SYNPR: variants seen among roughly 807,000 people sequenced by gnomAD.
SYNPR encodes synaptoporin.
In SYNPR, 23 loss-of-function variants were observed where a neutral mutation model predicts 32.9. The observed-to-expected ratio is 0.70, with a 90% CI of 0.50 to 0.99. The LOEUF is 0.99. SYNPR is among the 50% of genes least tolerant of loss of function. The probability of loss-of-function intolerance (pLI) is 0.00; values close to 1 mark genes in which losing one functional copy is unlikely to be tolerated. For missense variants in SYNPR, 318 were observed against 349.3 expected (o/e 0.91, Z 0.71); for synonymous variants, 146 against 135.9 (o/e 1.07, Z -0.52).
chr3:63,290,142 A>AAAAAATCC (rs767336423), intron 2 of SYNPR, among the ~76,000 whole-genome samples: 2 of 44,528 alleles, frequency 4.5e-5, no homozygotes, highest in Non-Finnish European at 9.4e-5. Flanking sequence ...AAAACAAAAA[A>AAAAAATCC]ACTCCTTTTC....
In SYNPR at chr3:63,416,531, T is replaced by TAAA. The variant is rs60383627; in HGVS notation, c.85-64282_85-64280dup. On this transcript the variant is annotated intron_variant, in intron 2 of 5. Transcript: ENST00000478300. ...TTGGTGACGGAGTGAGACTCTGTCT[T>TAAA]AAAAAAAAAAAAAAAAAAAAACCAA... Among the ~76,000 whole-genome samples, 421 of 105,190 alleles carry TAAA rather than the reference T, an allele frequency of 4.0e-3. 3 individuals are homozygous for TAAA. Among genetic ancestry groups the TAAA allele is most frequent in the South Asian group, 0.039 (119 of 3,060 alleles). The allele number at this position is 105,190 out of a possible 152,430, so 69.0% of individuals were successfully genotyped here. A position where few individuals can be genotyped will look rare whatever the true frequency, so the allele number is the denominator to read the frequency against.
chr3:63,494,406 T>TATATATACACAC (rs1553641140), intron 3 of SYNPR, among the ~76,000 whole-genome samples: 1 of 118,680 alleles, frequency 8.4e-6, no homozygotes, highest in African/African-American at 3.5e-5. Context: ...TATATATATA[T>TATATATACACAC]ATATATATAT....
At chr3:63,507,153 T>TA (rs1361855751) in intron 3 of SYNPR, among the ~76,000 whole-genome samples, 2,486 of 116,690 alleles carry the variant, frequency 0.021, 62 homozygotes, top group African/African-American at 0.073. Context: ...TCTCAAAAAA[T>TA]AAAAAAAAAA....
intron 1 of SYNPR, among the ~76,000 whole-genome samples, chr3:63,233,627 GT>G (rs2086181095): frequency 6.6e-6 from 1 of 152,134 alleles, no homozygotes; most frequent in African/African-American, 2.4e-5. Flanking sequence ...CTCAACCTAA[GT>G]TTGATTAGAA....
At chr3:63,276,490 G>C (rs573559698), upstream of SYNPR, among the ~76,000 whole-genome samples, 5 of 152,258 alleles carry the variant, frequency 3.3e-5, no homozygotes, top group African/African-American at 1.2e-4. Context: ...AGTTAAGATA[G>C]GTATTTTGGC....
At chr3:63,603,296 T>G (rs945900464) in intron 4 of SYNPR, among the ~76,000 whole-genome samples, 1 of 152,142 alleles carries the variant, frequency 6.6e-6, no homozygotes. Context: ...GCAAAGGGGA[T>G]AGTTTGACTT....
chr3:63,606,316 T>C (rs1001870777), intron 4 of SYNPR, among the ~76,000 whole-genome samples: 2 of 152,064 alleles, frequency 1.3e-5, no homozygotes, highest in African/African-American at 2.4e-5. Flanking sequence ...ACCATGTTTA[T>C]TCTGAAGATA....
intron 4 of SYNPR, among the ~76,000 whole-genome samples, chr3:63,570,755 C>A (rs1702872262): frequency 6.6e-6 from 1 of 152,160 alleles, no homozygotes; most frequent in Non-Finnish European, 1.5e-5. Flanking sequence ...CTTGCACTTT[C>A]ATTGGATGTG....
At chr3:63,378,841 G>T (rs1320114107) in intron 2 of SYNPR, among the ~76,000 whole-genome samples, 3 of 149,118 alleles carry the variant, frequency 2.0e-5, no homozygotes, top group South Asian at 4.2e-4. Flanking sequence ...GGTTTATTTT[G>T]CTCCCTTTAT....
At chr3:63,430,808 G>T (rs1699979965) in intron 2 of SYNPR, among the ~76,000 whole-genome samples, 1 of 151,772 alleles carries the variant, frequency 6.6e-6, no homozygotes, top group African/African-American at 2.4e-5. Flanking sequence ...CTTCTACCTT[G>T]CAGTGCTGTT....
At chr3:63,579,972 A>G (rs1419458636) in intron 4 of SYNPR, among the ~76,000 whole-genome samples, 1 of 152,138 alleles carries the variant, frequency 6.6e-6, no homozygotes, top group East Asian at 1.9e-4. Context: ...ATGAATTTTC[A>G]TTTGAAAGAT....
intron 2 of SYNPR, among the ~76,000 whole-genome samples, chr3:63,266,407 AAAAC>A (rs1042182728): frequency 7.9e-5 from 12 of 152,032 alleles, no homozygotes; most frequent in African/African-American, 2.9e-4. Flanking sequence ...TTAATGGAAT[AAAAC>A]AAAAATAAAG....
At position 63,499,005 on chromosome 3, in the gene SYNPR, T is replaced by A. The variant is rs1701428677; in HGVS notation, c.209+18049T>A. Reference sequence around the variant, plus strand: ...AAAAAAAACTACACAAGTGCCATGATCTGATTTACATATTTTAATAATTAT... The same window carrying A: ...AAAAAAAACTACACAAGTGCCATGAACTGATTTACATATTTTAATAATTAT... On this transcript the variant is annotated intron_variant, in intron 3 of 5. Transcript: ENST00000478300. Among the ~76,000 whole-genome samples, 3 of 148,494 alleles carry A rather than the reference T, an allele frequency of 2.0e-5. No individual in the cohort carries two copies. The South Asian group carries it at 6.5e-4, about 32-fold the overall frequency.
upstream of SYNPR, among the ~76,000 whole-genome samples, chr3:63,275,238 G>A (rs746298703): frequency 1.4e-4 from 22 of 152,148 alleles, no homozygotes; most frequent in Non-Finnish European, 2.5e-4. Context: ...CCCTAATCTA[G>A]TTCTTTAGGG....
At chr3:63,222,264 G>T in the SYNPR span, among the ~76,000 whole-genome samples, 1 of 151,818 alleles carries the variant, frequency 6.6e-6, no homozygotes, top group African/African-American at 2.4e-5. Flanking sequence ...TGATATAAAG[G>T]TGATAAATGA....
chr3:63,403,684 A>G lies in SYNPR; in HGVS notation c.85-77148A>G, dbSNP rs2088323203. 3.9e-5 allele frequency among the ~76,000 whole-genome samples: 6 copies of G among 152,198 alleles called. No individual in the cohort carries two copies. In the South Asian group the frequency reaches 1.2e-3, roughly 32 times the overall value. The stretch of plus-strand genomic sequence containing the variant: ...GGGCCTACACCCCTCAACCATCACA[A>G]TAGTGAAAGAAGACAGAGGTGTAGC... On this transcript the variant is annotated intron_variant, in intron 2 of 5. Coordinates refer to ENST00000478300, the MANE Select transcript of SYNPR (RefSeq NM_001130003.2).
At chr3:63,445,995 G>C (rs57404150) in intron 2 of SYNPR, among the ~76,000 whole-genome samples, 24,910 of 152,068 alleles carry the variant, frequency 0.16, 2,438 homozygotes, top group South Asian at 0.37. Context: ...AACTTGAGCA[G>C]ATACAAAGAT....
the SYNPR span, among the ~76,000 whole-genome samples, chr3:63,206,212 G>A: frequency 6.6e-6 from 1 of 152,128 alleles, no homozygotes; most frequent in East Asian, 1.9e-4. Context: ...ATTCTTAGGT[G>A]CCCTAAAATT....
At position 63,278,700 on chromosome 3, in the gene SYNPR, G is replaced by A; in HGVS notation, c.42G>A (p.Arg14=). The A allele has an allele frequency of 3.2e-6, 5 of 1,551,684 alleles. No homozygotes were observed. The highest frequency in any genetic ancestry group is 1.2e-5 in the South Asian group (1 of 84,060). ...AGCTGGCCTCTGCGGGCACCTTCCG[G>A]GTGCTGAAGGAGCCCCTTGCCTTCC... ...VSQLASAGTF[R]VLKEPLAFLR... The change falls in exon 2 of 6, where the codon CGG becomes CGA. Residue 14 remains arginine, a synonymous_variant. Transcript: ENST00000478300.
Sources: gnomAD v4.1 joint callset for allele counts (sites outside exome capture counted in the v4.1 genomes callset) on GRCh38, gnomAD v4.1.1 for gene constraint, MANE v1.5 for transcripts, NCBI Gene and HGNC (gene_info 2026-07-23, HGNC 2026-07-21) for gene names.